Variants in SYNGR2 observed in about 807,000 individuals in gnomAD.
SYNGR2 encodes the protein synaptogyrin 2, also known as synaptogyrin-2.
In SYNGR2, 11 loss-of-function variants were observed where a neutral mutation model predicts 18.7. That is an observed-to-expected ratio of 0.59 (90% CI 0.37 to 0.97). The LOEUF (loss-of-function observed/expected upper bound fraction) is 0.97, where lower values mean the gene tolerates loss of function less well. Among genes scored for constraint, SYNGR2 ranks in the 50% least tolerant of loss-of-function variants. The pLI is 0.01. For synonymous variants in SYNGR2, 127 were observed against 131.0 expected, an observed-to-expected ratio of 0.97 and a Z score of 0.21; for missense variants, 253 against 300.7, an observed-to-expected ratio of 0.84 and a Z score of 1.17.
intron 1 of SYNGR2, chr17:78,170,598 T>G: frequency 1.7e-6 from 1 of 603,744 alleles, no homozygotes; most frequent in Non-Finnish European, 3.0e-6. Flanking sequence ...TGAGGCAGAA[T>G]TGCTTGAACC....
chr17:78,171,970 G>A lies in SYNGR2; in HGVS notation c.*34G>A. On this transcript the variant is annotated 3_prime_UTR_variant, in exon 4 of 4. Transcript: ENST00000225777. This position sits in a 1 kb window ranked among gnomAD's most constrained non-coding sequence, Gnocchi z 6.6. ...TAGCGTGGGAAGGGGGACAGAGAGG[G>A]CCCTCCCCTCTGCCCTGGACTTTCC... The A allele has an allele frequency of 1.2e-6, 2 of 1,608,638 alleles. No individual in the cohort carries two copies. Among genetic ancestry groups the A allele is most frequent in the Non-Finnish European group, 1.7e-6 (2 of 1,179,878 alleles).
intron 1 of SYNGR2, 94 bp from the exon 2 acceptor site, chr17:78,170,722 TG>T: frequency 9.7e-7 from 1 of 1,035,780 alleles, no homozygotes; most frequent in Non-Finnish European, 1.5e-6. Flanking sequence ...ACAGCAGTAG[TG>T]GGAGAGGCCA....
chr17:78,171,128 C>A lies in SYNGR2; in HGVS notation c.337+74C>A. On this transcript the variant is annotated intron_variant, in intron 2 of 3. Transcript: ENST00000225777. This position sits in a 1 kb window ranked among gnomAD's most constrained non-coding sequence, Gnocchi z 6.6. ...TAGGGTTCCGCAGCTGGGAGGGTCT[C>A]GGCCTCTCTGGGAGGGGCAGGGAGC... 6.9e-7 allele frequency: 1 copy of A among 1,453,222 alleles called. No individual in the cohort carries two copies. The highest frequency in any genetic ancestry group is 9.5e-7 in the Non-Finnish European group (1 of 1,052,846). The allele number at this position is 1,453,222 out of a possible 1,614,324, so 90.0% of individuals were successfully genotyped here. A position where few individuals can be genotyped will look rare whatever the true frequency, so the allele number is the denominator to read the frequency against.
At position 78,171,848 on chromosome 17, in the gene SYNGR2, C is replaced by A; in HGVS notation, c.587C>A (p.Pro196Gln). Reference sequence around the variant, plus strand: ...CCCAACACTGCCTACGCCTCCTACCCAGGTGCATCTGTGGACAACTACCAA... The same window carrying A: ...CCCAACACTGCCTACGCCTCCTACCAAGGTGCATCTGTGGACAACTACCAA... ...PDPNTAYASY[P>Q]GASVDNYQQP... Residue 196 changes from proline (P) to glutamine (Q), a missense_variant, in exon 4 of 4, where the codon CCA becomes CAA. By Grantham distance (76) the Pro-to-Gln change is moderately conservative (BLOSUM62 -1). Coordinates refer to ENST00000225777, the MANE Select transcript of SYNGR2 (RefSeq NM_004710.7). The surrounding 1 kb of genome is among the most constrained non-coding windows in gnomAD (Gnocchi z 6.6). The A allele has an allele frequency of 6.2e-7, 1 of 1,614,166 alleles. No homozygotes were observed. Among genetic ancestry groups the A allele is most frequent in the Non-Finnish European group, 8.5e-7 (1 of 1,180,008 alleles).
rs1598961228 is a variant in SYNGR2 at position 78,172,147 on chromosome 17, C to A, written c.*211C>A. ...GAGGGCTTCAGTCAGCCGCTCACTC[C>A]TCCAGGGCACTTTTAGGAAAGGGTT... On this transcript the variant is annotated 3_prime_UTR_variant, in exon 4 of 4. Transcript: ENST00000225777. The A allele has an allele frequency of 5.1e-6, 6 of 1,176,950 alleles. No homozygotes were observed. The highest frequency in any genetic ancestry group is 6.9e-6 in the Non-Finnish European group (6 of 864,176). The allele number at this position is 1,176,950 out of a possible 1,614,324, so 72.9% of individuals were successfully genotyped here.
Position 78,171,403 on chromosome 17 carries a change from G to T in SYNGR2, c.338-107G>T. 1 of 1,376,098 alleles carries T rather than the reference G, an allele frequency of 7.3e-7. No individual in the cohort carries two copies. The highest frequency in any genetic ancestry group is 1.5e-5 in the South Asian group (1 of 67,784). 85.2% of individuals were successfully genotyped at this position (1,376,098 alleles called of 1,614,324 possible). On this transcript the variant is annotated intron_variant, in intron 2 of 3. Coordinates refer to ENST00000225777, the MANE Select transcript of SYNGR2 (RefSeq NM_004710.7). The surrounding 1 kb of genome is among the most constrained non-coding windows in gnomAD (Gnocchi z 6.6). Reference sequence around the variant, plus strand: ...TTCCAAGTCCTCCCCTCCATAGTGTGGAGGCTCCCCCGGGAGGTCCCTGCC... The same window carrying T: ...TTCCAAGTCCTCCCCTCCATAGTGTTGAGGCTCCCCCGGGAGGTCCCTGCC...
chr17:78,171,432 C>T lies in SYNGR2; in HGVS notation c.338-78C>T. 1.3e-6 allele frequency: 2 copies of T among 1,494,452 alleles called. No individual in the cohort carries two copies. The highest frequency in any genetic ancestry group is 1.8e-6 in the Non-Finnish European group (2 of 1,118,350). 92.6% of individuals were successfully genotyped at this position (1,494,452 alleles called of 1,614,324 possible). ...GCTCCCCCGGGAGGTCCCTGCCCTA[C>T]CTGCCCGCGTCCCCTCCCAGAGTCC... On this transcript the variant is annotated intron_variant, in intron 2 of 3. Coordinates refer to ENST00000225777, the MANE Select transcript of SYNGR2 (RefSeq NM_004710.7). The surrounding 1 kb of genome is among the most constrained non-coding windows in gnomAD (Gnocchi z 6.6).
In SYNGR2 at chr17:78,171,806, T is replaced by G; in HGVS notation, c.545T>G (p.Val182Gly). Residue 182 changes from valine (V) to glycine (G), a missense_variant, in exon 4 of 4, where the codon GTT becomes GGT. By Grantham distance (109) the Val-to-Gly change is moderately radical. Transcript: ENST00000225777. The surrounding 1 kb of genome is among the most constrained non-coding windows in gnomAD (Gnocchi z 6.6). ...GTGGACGACTTCATCCAGAATTACG[T>G]TGACCCCACTCCGGACCCCAACACT... ...AGVDDFIQNY[V>G]DPTPDPNTAY... 2.5e-6 allele frequency: 4 copies of G among 1,614,036 alleles called. No individual in the cohort carries two copies. The highest frequency in any genetic ancestry group is 3.4e-6 in the Non-Finnish European group (4 of 1,179,988).
rs926321105 is a variant in SYNGR2 at position 78,168,591 on chromosome 17, G to A, written c.-26G>A. ...CGGGCAGGTTCCTCTGCGTTCCGCG[G>A]CGGCGGCAGCGGCGGCGACGGCGAC... On this transcript the variant is annotated 5_prime_UTR_variant, in exon 1 of 4. Coordinates refer to ENST00000225777, the MANE Select transcript of SYNGR2 (RefSeq NM_004710.7). 1 of 1,179,956 alleles carries A rather than the reference G, an allele frequency of 8.5e-7. No homozygotes were observed. The highest frequency in any genetic ancestry group is 1.1e-6 in the Non-Finnish European group (1 of 949,900). The allele number at this position is 1,179,956 out of a possible 1,614,324, so 73.1% of individuals were successfully genotyped here.
rs2075666209 is a variant in SYNGR2, at chr17:78,172,327, G to T, written c.*391G>T. On this transcript the variant is annotated 3_prime_UTR_variant, in exon 4 of 4. Coordinates refer to ENST00000225777, the MANE Select transcript of SYNGR2 (RefSeq NM_004710.7). Reference sequence around the variant, plus strand: ...GCTATTATCTGCGTTCTCTGCCAAAGACTCGTGGGGGCCATCACACCTGCC... The same window carrying T: ...GCTATTATCTGCGTTCTCTGCCAAATACTCGTGGGGGCCATCACACCTGCC... 1 of 429,190 alleles carries T rather than the reference G, an allele frequency of 2.3e-6. No individual in the cohort carries two copies. The allele number at this position is 429,190 out of a possible 1,614,324, so 26.6% of individuals were successfully genotyped here. A position where few individuals can be genotyped will look rare whatever the true frequency, so the allele number is the denominator to read the frequency against.
intron 1 of SYNGR2, 43 bp downstream of exon 1, chr17:78,168,758 C>T (rs2075636803): frequency 1.7e-6 from 2 of 1,184,570 alleles, no homozygotes; most frequent in South Asian, 4.3e-5. Context: ...TGGGGACCCC[C>T]TCTCCGTCGC....
At chr17:78,169,311 A>C (rs528046004) in intron 1 of SYNGR2, 2 of 146,908 alleles carry the variant, frequency 1.4e-5, no homozygotes, top group South Asian at 4.2e-4. Flanking sequence ...GCCAGCCCTG[A>C]AAGCTGGAGG....
At chr17:78,168,822 C>T in intron 1 of SYNGR2, 107 bp downstream of exon 1, 3 of 996,638 alleles carry the variant, frequency 3.0e-6, no homozygotes, top group Non-Finnish European at 3.8e-6. Context: ...GCGGCCGCGT[C>T]CGGGGCCTGG....
chr17:78,168,784 C>T (rs2075637029), intron 1 of SYNGR2, 69 bp downstream of exon 1: 1 of 1,158,260 alleles, frequency 8.6e-7, no homozygotes. Context: ...CCGGCGGGGC[C>T]CCTAGCCCAC....
chr17:78,170,741 T>A (rs1567826720), intron 1 of SYNGR2, 76 bp from the exon 2 acceptor site: 1 of 1,281,148 alleles, frequency 7.8e-7, no homozygotes, highest in Admixed American at 1.7e-5. Context: ...CCAGCATCTG[T>A]ACACCCCATC....
chr17:78,169,391 A>C (rs1490578014), intron 1 of SYNGR2, among the ~76,000 whole-genome samples: 1 of 151,724 alleles, frequency 6.6e-6, no homozygotes, highest in Non-Finnish European at 1.5e-5. Context: ...GGAGCTTCTG[A>C]GGTCCTCCAG....
upstream of SYNGR2, chr17:78,168,580 T>C: frequency 3.4e-6 from 4 of 1,167,702 alleles, no homozygotes; most frequent in South Asian, 1.3e-4. Flanking sequence ...CAGGTTCCTC[T>C]GCGTTCCGCG....
chr17:78,171,088 G>T lies in SYNGR2; in HGVS notation c.337+34G>T. The T allele has an allele frequency of 1.2e-6, 2 of 1,600,666 alleles. No homozygotes were observed. ...CTGTGGCACCTCCATTTGATCTTGG[G>T]GGAGGCATTAACTCTAGGGTTCCGC... On this transcript the variant is annotated intron_variant, in intron 2 of 3. Transcript: ENST00000225777. This position sits in a 1 kb window ranked among gnomAD's most constrained non-coding sequence, Gnocchi z 6.6.
chr17:78,171,166 C>A lies in SYNGR2; in HGVS notation c.337+112C>A. ...AGGGGCAGGGAGCAGCTCACTCCTC[C>A]AGGGCATTTTTAGGAAAGGGTTTTC... On this transcript the variant is annotated intron_variant, in intron 2 of 3. Transcript: ENST00000225777. This position sits in a 1 kb window ranked among gnomAD's most constrained non-coding sequence, Gnocchi z 6.6. 9.4e-7 allele frequency: 1 copy of A among 1,065,320 alleles called. No individual in the cohort carries two copies. The highest frequency in any genetic ancestry group is 1.4e-6 in the Non-Finnish European group (1 of 727,568). 66.0% of individuals were successfully genotyped at this position (1,065,320 alleles called of 1,614,324 possible). A position where few individuals can be genotyped will look rare whatever the true frequency, so the allele number is the denominator to read the frequency against.
Sources: gnomAD v4.1 joint callset for allele counts (sites outside exome capture counted in the v4.1 genomes callset) on GRCh38, gnomAD v4.1.1 for gene constraint, Gnocchi (gnomAD v3.1) non-coding constraint, MANE v1.5 for transcripts, NCBI Gene and HGNC (gene_info 2026-07-23, HGNC 2026-07-21) for gene names.